Variants in CRISPLD1 observed in about 807,000 individuals in gnomAD.
CRISPLD1 encodes cysteine rich secretory protein LCCL domain containing 1, also known as cysteine-rich secretory protein LCCL domain-containing 1.
In CRISPLD1, 60 loss-of-function variants were observed where a neutral mutation model predicts 77.5. The observed-to-expected ratio is 0.77, with a 90% CI of 0.63 to 0.96. The LOEUF is 0.96. Ranked by LOEUF, CRISPLD1 falls within the 40% of genes least tolerant of loss-of-function variation. The pLI is 0.00. For missense variants in CRISPLD1, 623 were observed against 615.8 expected, an observed-to-expected ratio of 1.01 and a Z score of -0.12; for synonymous variants, 195 against 200.1, an observed-to-expected ratio of 0.97 and a Z score of 0.22.
chr8:75,014,283 G>A (rs1450579688), intron 5 of CRISPLD1, among the ~76,000 whole-genome samples, 181 bp downstream of exon 5: 1 of 152,058 alleles, frequency 6.6e-6, no homozygotes, highest in Non-Finnish European at 1.5e-5. Context: ...CATAAAGGGG[G>A]ATATGAAATA....
At chr8:75,003,779 G>T (rs1371646504) in intron 2 of CRISPLD1, among the ~76,000 whole-genome samples, 1 of 152,070 alleles carries the variant, frequency 6.6e-6, no homozygotes, top group Non-Finnish European at 1.5e-5. Context: ...TGGGGCAGGG[G>T]ACCTTGACAC....
intron 2 of CRISPLD1, among the ~76,000 whole-genome samples, chr8:74,987,067 A>G (rs1319984143): frequency 6.6e-6 from 1 of 152,182 alleles, no homozygotes; most frequent in Non-Finnish European, 1.5e-5. Flanking sequence ...TTTAACAAAC[A>G]TTGGAAATGG....
chr8:74,985,296 T>A (rs1284321235), intron 1 of CRISPLD1, among the ~76,000 whole-genome samples: 3 of 152,142 alleles, frequency 2.0e-5, no homozygotes, highest in African/African-American at 7.2e-5. Flanking sequence ...GTTCTTGACC[T>A]GAGCCTGAAT....
chr8:75,021,537 C>T (rs1260761807), intron 12 of CRISPLD1, among the ~76,000 whole-genome samples: 3 of 152,132 alleles, frequency 2.0e-5, no homozygotes, highest in Non-Finnish European at 4.4e-5. Context: ...GGGTGAAGTG[C>T]ATCATATACT....
chr8:75,029,866 C>G (rs1166072724), intron 14 of CRISPLD1, among the ~76,000 whole-genome samples: 1 of 152,140 alleles, frequency 6.6e-6, no homozygotes, highest in Non-Finnish European at 1.5e-5. Flanking sequence ...GAGCAAGGCA[C>G]AGAATATTTC....
chr8:75,000,236 CTG>C, intron 2 of CRISPLD1: 4 of 985,176 alleles, frequency 4.1e-6, no homozygotes, highest in Non-Finnish European at 4.8e-6. Flanking sequence ...CGTGTCAAAT[CTG>C]TATCTGAAAT....
chr8:74,985,102 C>T (rs1179342448), intron 1 of CRISPLD1, among the ~76,000 whole-genome samples, 182 bp downstream of exon 1: 1 of 151,864 alleles, frequency 6.6e-6, no homozygotes, highest in Non-Finnish European at 1.5e-5. Flanking sequence ...AGCTCTAGTT[C>T]TTGTAAGTGA....
intron 13 of CRISPLD1, among the ~76,000 whole-genome samples, chr8:75,025,879 G>A (rs1017209275): frequency 2.0e-5 from 3 of 152,104 alleles, no homozygotes; most frequent in African/African-American, 7.2e-5. Context: ...GAAATAGTCT[G>A]TAGTTATTGT....
rs1587021333 is a variant in CRISPLD1 at position 75,016,680 on chromosome 8, T to C, written c.843T>C (p.Asn281=). ...VRTRSDDSSR[N]EVISAQQMSQ... is the part of the protein sequence containing the mutation. ...CAAGATCAGATGATAGTAGCAGAAA[T>C]GAAGTCATAAGCGCACAGCAAATGT... The change falls in exon 7 of 15, where the codon AAT becomes AAC. Residue 281 remains asparagine, a synonymous_variant. Coordinates refer to ENST00000262207, the MANE Select transcript of CRISPLD1 (RefSeq NM_031461.6). The C allele has an allele frequency of 1.2e-6, 2 of 1,613,088 alleles. No individual in the cohort carries two copies. Among genetic ancestry groups the C allele is most frequent in the South Asian group, 2.2e-5 (2 of 90,968 alleles).
intron 10 of CRISPLD1, among the ~76,000 whole-genome samples, chr8:75,018,373 C>T (rs1813073377): frequency 6.6e-6 from 1 of 151,972 alleles, no homozygotes; most frequent in Admixed American, 6.6e-5. Context: ...GTCACTGCAA[C>T]CTCCACCTTC....
At chr8:75,006,268 A>G (rs1019713174) in intron 2 of CRISPLD1, among the ~76,000 whole-genome samples, 1 of 152,188 alleles carries the variant, frequency 6.6e-6, no homozygotes, top group African/African-American at 2.4e-5. Flanking sequence ...TAGGCTACTT[A>G]ACGGTATAAT....
At chr8:75,007,167 C>T (rs1003073203) in intron 2 of CRISPLD1, among the ~76,000 whole-genome samples, 4 of 151,838 alleles carry the variant, frequency 2.6e-5, no homozygotes, top group African/African-American at 9.7e-5. Context: ...AGTAAACAAG[C>T]CCCAGGAAAT....
At chr8:74,997,799 G>A (rs960452588) in intron 2 of CRISPLD1, among the ~76,000 whole-genome samples, 1 of 152,188 alleles carries the variant, frequency 6.6e-6, no homozygotes, top group Non-Finnish European at 1.5e-5. Flanking sequence ...CTGAGAATGA[G>A]ATGAAGAAGG....
chr8:75,013,916 T>A (rs1357943164), intron 4 of CRISPLD1, 71 bp from the exon 5 acceptor site: 9 of 975,204 alleles, frequency 9.2e-6, no homozygotes, highest in Non-Finnish European at 3.3e-6. Context: ...TTTTATGCAT[T>A]TTTCTCTCAG....
chr8:75,007,564 T>C (rs557490693), intron 2 of CRISPLD1, among the ~76,000 whole-genome samples: 1 of 152,112 alleles, frequency 6.6e-6, no homozygotes, highest in East Asian at 1.9e-4. Context: ...AGTTTTCAGT[T>C]ATTGTTTGTT....
chr8:74,998,160 G>A lies in CRISPLD1; in HGVS notation c.258+11915G>A, dbSNP rs145448982. On this transcript the variant is annotated intron_variant, in intron 2 of 14. Coordinates refer to ENST00000262207, the MANE Select transcript of CRISPLD1 (RefSeq NM_031461.6). ...CGTATAGAAGCAGGTAGTTTGGAGC[G>A]TTTAATGAAGAAAACAGAAGGGAAT... 4.6e-5 allele frequency among the ~76,000 whole-genome samples: 7 copies of A among 152,232 alleles called. No homozygotes were observed. In the East Asian group the frequency reaches 1.2e-3, roughly 25 times the overall value.
chr8:75,029,642 G>A, intron 14 of CRISPLD1, 125 bp downstream of exon 14: 1 of 917,174 alleles, frequency 1.1e-6, no homozygotes, highest in Non-Finnish European at 1.6e-6. Flanking sequence ...GAGCCAGTGT[G>A]TTCCTTTGCA....
chr8:74,988,559 G>A (rs1812528587), intron 2 of CRISPLD1, among the ~76,000 whole-genome samples: 1 of 152,022 alleles, frequency 6.6e-6, no homozygotes, highest in South Asian at 2.1e-4. Flanking sequence ...GTCTGGGCTG[G>A]GCACAGTGGT....
intron 4 of CRISPLD1, among the ~76,000 whole-genome samples, chr8:75,013,748 T>C (rs117898562): frequency 0.013 from 2,020 of 152,296 alleles, 18 homozygotes; most frequent in Middle Eastern, 0.027. Context: ...TAAATTTGCA[T>C]TTGAAAATGC....
Sources: gnomAD v4.1 joint callset for allele counts (sites outside exome capture counted in the v4.1 genomes callset) on GRCh38, gnomAD v4.1.1 for gene constraint, MANE v1.5 for transcripts, NCBI Gene and HGNC (gene_info 2026-07-23, HGNC 2026-07-21) for gene names.